TTF1: variants seen among roughly 807,000 people sequenced by gnomAD.
The protein encoded by TTF1 is transcription termination factor, RNA polymerase I.
In TTF1, 64 loss-of-function variants were observed where a neutral mutation model predicts 80.2. That is an observed-to-expected ratio of 0.80 (90% CI 0.65 to 0.98). The LOEUF (loss-of-function observed/expected upper bound fraction) is 0.98, where lower values mean the gene tolerates loss of function less well. Among genes scored for constraint, TTF1 ranks in the 50% least tolerant of loss-of-function variants. TTF1 has a pLI of 0.00. For synonymous variants in TTF1, 372 were observed against 382.7 expected (o/e 0.97, Z 0.33); for missense variants, 1,023 against 1,086.2 (o/e 0.94, Z 0.82).
At position 132,402,314 on chromosome 9, in the gene TTF1, T is replaced by C; in HGVS notation, c.508A>G (p.Lys170Glu). ...HSKVREKKNKKHQRKAASWES... is the reference protein window; with the variant it reads ...HSKVREKKNKEHQRKAASWES... The stretch of plus-strand genomic sequence containing the variant: ...CAGGATGCAGCTTTCCTCTGATGCT[T>C]TTTATTCTTTTTCTCCCTAACTTTA... Residue 170 changes from lysine to glutamate, a missense_variant, in exon 2 of 11, where the codon AAG (lysine) becomes GAG (glutamate). Coordinates refer to ENST00000334270, the MANE Select transcript of TTF1 (RefSeq NM_007344.4). 6.2e-7 allele frequency: 1 copy of C among 1,614,086 alleles called. No individual in the cohort carries two copies. Among genetic ancestry groups the C allele is most frequent in the Non-Finnish European group, 8.5e-7 (1 of 1,179,984 alleles).
intron 9 of TTF1, among the ~76,000 whole-genome samples, chr9:132,381,688 GACC>G (rs996744700): frequency 6.6e-6 from 1 of 152,086 alleles, no homozygotes; most frequent in African/African-American, 2.4e-5. Context: ...AAGACTTTGG[GACC>G]ACGGCATGTA....
At chr9:132,380,875 C>T (rs1849360407) in intron 9 of TTF1, among the ~76,000 whole-genome samples, 1 of 152,026 alleles carries the variant, frequency 6.6e-6, no homozygotes, top group South Asian at 2.1e-4. Flanking sequence ...ATCAGTTACC[C>T]CCTACCTGGA....
At chr9:132,399,929 A>G (rs1399633875) in intron 3 of TTF1, 106 bp downstream of exon 3, 1 of 1,217,254 alleles carries the variant, frequency 8.2e-7, no homozygotes, top group African/African-American at 1.5e-5. Context: ...AGGAGGAGAA[A>G]GAATGCTTCT....
At chr9:132,398,371 T>C (rs1440936773) in intron 3 of TTF1, 45 bp from the exon 4 acceptor site, 2 of 1,393,234 alleles carry the variant, frequency 1.4e-6, no homozygotes, top group Non-Finnish European at 1.9e-6. Context: ...TTGTTAATAA[T>C]GACAAAAGCA....
chr9:132,386,039 T>A (rs1193291599), intron 9 of TTF1, among the ~76,000 whole-genome samples: 1 of 152,144 alleles, frequency 6.6e-6, no homozygotes, highest in South Asian at 2.1e-4. Flanking sequence ...TTGGAATTGA[T>A]AAAAGGTATG....
intron 2 of TTF1, among the ~76,000 whole-genome samples, chr9:132,400,474 C>T (rs1452015090): frequency 6.6e-6 from 1 of 152,176 alleles, no homozygotes; most frequent in Non-Finnish European, 1.5e-5. Flanking sequence ...AGGTACGCGC[C>T]ACCACGCCCG....
intron 9 of TTF1, among the ~76,000 whole-genome samples, chr9:132,386,175 T>C (rs1274004775): frequency 1.3e-5 from 2 of 151,916 alleles, no homozygotes; most frequent in African/African-American, 2.4e-5. Context: ...AAAACTGAAA[T>C]AGGAGGGAGG....
intron 3 of TTF1, among the ~76,000 whole-genome samples, chr9:132,399,344 T>G (rs1020742238): frequency 1.3e-5 from 2 of 152,156 alleles, no homozygotes; most frequent in Admixed American, 6.5e-5. Flanking sequence ...TTAATTTGTC[T>G]TGTCTATTTT....
At chr9:132,406,517 G>T (rs531983934) in intron 1 of TTF1, among the ~76,000 whole-genome samples, 2 of 151,584 alleles carry the variant, frequency 1.3e-5, no homozygotes, top group East Asian at 3.9e-4. Flanking sequence ...CAGGAGAATC[G>T]CTTGAACCCA....
Position 132,379,134 on chromosome 9 carries a change from G to C in TTF1, c.2389C>G (p.Pro797Ala). 6.2e-7 allele frequency: 1 copy of C among 1,604,940 alleles called. No homozygotes were observed. Among genetic ancestry groups the C allele is most frequent in the Non-Finnish European group, 8.5e-7 (1 of 1,177,582 alleles). Residue 797 changes from proline (P) to alanine (A), a missense_variant, in exon 10 of 11, where the codon CCA becomes GCA. Coordinates refer to ENST00000334270, the MANE Select transcript of TTF1 (RefSeq NM_007344.4). The part of the protein sequence containing the change: ...DLASAIGDVP[P>A]SYVQTKFSRL... ...GAAAATTTAGTTTGAACGTAAGATGGAGGAACATCACTTTAGAAAAGGAAA... is the reference window on the plus strand; with the variant it reads ...GAAAATTTAGTTTGAACGTAAGATGCAGGAACATCACTTTAGAAAAGGAAA...
chr9:132,405,313 T>C (rs1589830105), intron 1 of TTF1, among the ~76,000 whole-genome samples: 1 of 152,258 alleles, frequency 6.6e-6, no homozygotes, highest in Non-Finnish European at 1.5e-5. Flanking sequence ...CAAGCGATTC[T>C]CCTGCCTCAG....
chr9:132,393,635 G>A (rs1033985984), intron 5 of TTF1, among the ~76,000 whole-genome samples: 2 of 152,182 alleles, frequency 1.3e-5, no homozygotes, highest in African/African-American at 4.8e-5. Flanking sequence ...TCTTAGCTCT[G>A]AAGGCTGTGA....
intron 10 of TTF1, among the ~76,000 whole-genome samples, chr9:132,377,928 G>GGT (rs1273313921): frequency 1.6e-5 from 2 of 126,460 alleles, no homozygotes; most frequent in Non-Finnish European, 3.2e-5. Flanking sequence ...GAGTGCATGT[G>GGT]GTGCGTGTGA....
Position 132,386,634 on chromosome 9 carries a change from A to G in TTF1, c.2313-13T>C. ...TATTTCATACAACCTGTGAGAAAAA[A>G]TAAAAATTAAATTTTCAAGCAAAAA... On this transcript the variant is annotated splice_polypyrimidine_tract_variant and intron_variant, in intron 8 of 10. Transcript: ENST00000334270. The G allele has an allele frequency of 6.2e-7, 1 of 1,602,000 alleles. No homozygotes were observed. The highest frequency in any genetic ancestry group is 8.5e-7 in the Non-Finnish European group (1 of 1,170,396).
chr9:132,397,450 C>T lies in TTF1; in HGVS notation c.1777+691G>A, dbSNP rs182150585. Reference sequence around the variant, plus strand: ...CTTCTAACTTCACAGGCAGCACCTCCAGTCGGAGGGTTCCAGTTACAAAGC... The same window carrying T: ...CTTCTAACTTCACAGGCAGCACCTCTAGTCGGAGGGTTCCAGTTACAAAGC... On this transcript the variant is annotated intron_variant, in intron 4 of 10. Coordinates refer to ENST00000334270, the MANE Select transcript of TTF1 (RefSeq NM_007344.4). Among the ~76,000 whole-genome samples the T allele has an allele frequency of 1.8e-4, 28 of 152,314 alleles. 1 individual carries two copies. The highest frequency in any genetic ancestry group is 6.5e-4 in the African/African-American group (27 of 41,570).
intron 2 of TTF1, among the ~76,000 whole-genome samples, chr9:132,401,159 G>A (rs111278684): frequency 0.058 from 8,794 of 151,976 alleles, 352 homozygotes; most frequent in East Asian, 0.24. Flanking sequence ...GACAAACGTC[G>A]TCTCTACTAA....
At chr9:132,378,748 A>T (rs1849312489) in intron 10 of TTF1, among the ~76,000 whole-genome samples, 1 of 151,762 alleles carries the variant, frequency 6.6e-6, no homozygotes, top group Non-Finnish European at 1.5e-5. Flanking sequence ...GGTGTGGTGC[A>T]CGGGCATGTC....
chr9:132,391,742 TC>T (rs920179056), intron 6 of TTF1, among the ~76,000 whole-genome samples: 3 of 152,266 alleles, frequency 2.0e-5, no homozygotes, highest in African/African-American at 7.2e-5. Context: ...CGTGCCTGCC[TC>T]CCTCCCAACG....
intron 9 of TTF1, among the ~76,000 whole-genome samples, chr9:132,385,325 T>G (rs1849441517): frequency 6.6e-6 from 1 of 152,230 alleles, no homozygotes; most frequent in African/African-American, 2.4e-5. Context: ...AGAGCTGGGC[T>G]GAAAACCAGA....
Sources: gnomAD v4.1 joint callset for allele counts (sites outside exome capture counted in the v4.1 genomes callset) on GRCh38, gnomAD v4.1.1 for gene constraint, MANE v1.5 for transcripts, NCBI Gene and HGNC (gene_info 2026-07-23, HGNC 2026-07-21) for gene names.